Variants in TMEM132C observed in about 807,000 individuals in gnomAD.
The protein encoded by TMEM132C is protein phosphatase 1, regulatory subunit 152.
TMEM132C carries 29 observed loss-of-function variants against 61.4 expected under a neutral mutation model. The observed-to-expected ratio is 0.47, with a 90% CI of 0.35 to 0.64. The LOEUF (loss-of-function observed/expected upper bound fraction) is 0.64, where lower values mean the gene tolerates loss of function less well. TMEM132C is among the 30% of genes least tolerant of loss of function. The probability of loss-of-function intolerance (pLI) is 0.00; values close to 1 mark genes in which losing one functional copy is unlikely to be tolerated. For missense variants in TMEM132C, 1,408 were observed against 1,476.9 expected, an observed-to-expected ratio of 0.95 and a Z score of 0.76; for synonymous variants, 656 against 633.1, an observed-to-expected ratio of 1.04 and a Z score of -0.54.
At chr12:128,300,381 T>C (rs968554643) in intron 1 of TMEM132C, among the ~76,000 whole-genome samples, 2 of 152,100 alleles carry the variant, frequency 1.3e-5, no homozygotes, top group Non-Finnish European at 2.9e-5. Context: ...AAAGCAGAGT[T>C]CATGGTTTTT....
At chr12:128,642,413 T>A (rs1224243868) in intron 4 of TMEM132C, among the ~76,000 whole-genome samples, 1 of 152,196 alleles carries the variant, frequency 6.6e-6, no homozygotes, top group African/African-American at 2.4e-5. Context: ...GGTTTAGATG[T>A]TTGTCCCCTC....
intron 4 of TMEM132C, among the ~76,000 whole-genome samples, chr12:128,662,028 G>A (rs573595595): frequency 6.6e-6 from 1 of 152,152 alleles, no homozygotes; most frequent in South Asian, 2.1e-4. Flanking sequence ...TTGAGGATCA[G>A]GACTGGAAAA....
intron 1 of TMEM132C, among the ~76,000 whole-genome samples, chr12:128,345,701 A>G (rs1181967856): frequency 6.6e-6 from 1 of 152,076 alleles, no homozygotes; most frequent in East Asian, 1.9e-4. Context: ...TGTTGGCCGC[A>G]TATATGTCTT....
Position 128,530,086 on chromosome 12 carries a change from G to A in TMEM132C, c.975-13871G>A, listed in dbSNP as rs138478710. Among the ~76,000 whole-genome samples the A allele has an allele frequency of 6.1e-3, 885 of 145,926 alleles. 4 individuals are homozygous for A. The highest frequency in any genetic ancestry group is 8.5e-3 in the Non-Finnish European group (561 of 66,126). ...GTCAGCCTCCTAGGACATGGAGTAG[G>A]AGTGAAAAAGGCAGAAAGTGGGCGG... On this transcript the variant is annotated intron_variant, in intron 2 of 8. Coordinates refer to ENST00000435159, the MANE Select transcript of TMEM132C (RefSeq NM_001136103.3).
chr12:128,400,933 CA>C (rs775019006), intron 1 of TMEM132C, among the ~76,000 whole-genome samples: 1 of 152,096 alleles, frequency 6.6e-6, no homozygotes, highest in African/African-American at 2.4e-5. Context: ...TTCTTGACAA[CA>C]GAAAAAATCT....
intron 4 of TMEM132C, among the ~76,000 whole-genome samples, chr12:128,663,980 G>A (rs546496237): frequency 1.3e-4 from 16 of 124,926 alleles, no homozygotes; most frequent in African/African-American, 4.5e-4. Flanking sequence ...GCACCCACAC[G>A]CACGCACGCG....
At chr12:128,586,613 T>G (rs1875558296) in intron 3 of TMEM132C, among the ~76,000 whole-genome samples, 2 of 152,224 alleles carry the variant, frequency 1.3e-5, no homozygotes, top group Non-Finnish European at 2.9e-5. Flanking sequence ...ACTTTTCCTC[T>G]GTATCTTCCT....
At chr12:128,524,097 G>A (rs1873005772) in intron 2 of TMEM132C, among the ~76,000 whole-genome samples, 1 of 151,684 alleles carries the variant, frequency 6.6e-6, no homozygotes, top group Admixed American at 6.6e-5. Flanking sequence ...TGATTCTTTT[G>A]AGTCATTCCC....
At chr12:128,287,644 T>C (rs779273963) in intron 1 of TMEM132C, among the ~76,000 whole-genome samples, 3 of 152,244 alleles carry the variant, frequency 2.0e-5, no homozygotes, top group South Asian at 2.1e-4. Context: ...ATAATCACAT[T>C]GGTCAAAGTA....
chr12:128,694,996 C>T (rs992529731), intron 6 of TMEM132C, among the ~76,000 whole-genome samples: 5 of 152,190 alleles, frequency 3.3e-5, no homozygotes, highest in African/African-American at 1.2e-4. Flanking sequence ...TATGAGTTTG[C>T]CTCATAGTGT....
chr12:128,571,765 G>A (rs956261094), intron 3 of TMEM132C, among the ~76,000 whole-genome samples: 12 of 152,220 alleles, frequency 7.9e-5, no homozygotes, highest in Non-Finnish European at 1.8e-4. Context: ...ACGGTTGGAT[G>A]CAGGAACTCA....
At chr12:128,304,842 G>T (rs868199399) in intron 1 of TMEM132C, among the ~76,000 whole-genome samples, 2 of 152,200 alleles carry the variant, frequency 1.3e-5, no homozygotes, top group Middle Eastern at 3.2e-3. Context: ...CTTCAGTTAG[G>T]AAAGGCTTTT....
chr12:128,295,126 G>T (rs193060648), intron 1 of TMEM132C, among the ~76,000 whole-genome samples: 1 of 152,094 alleles, frequency 6.6e-6, no homozygotes, highest in Admixed American at 6.5e-5. Context: ...CAGTACTCAA[G>T]TGCCCCAAGG....
intron 3 of TMEM132C, among the ~76,000 whole-genome samples, chr12:128,583,476 G>A (rs373553397): frequency 7.8e-4 from 118 of 152,094 alleles, no homozygotes; most frequent in Non-Finnish European, 1.3e-3. Context: ...AGAGTTCTCC[G>A]CCTACAGCAA....
At chr12:128,338,781 G>A (rs900412989) in intron 1 of TMEM132C, among the ~76,000 whole-genome samples, 1 of 129,792 alleles carries the variant, frequency 7.7e-6, no homozygotes, top group Non-Finnish European at 1.5e-5. Flanking sequence ...TATATATTTT[G>A]CACAAAGATG....
At chr12:128,600,047 A>G (rs951067958) in intron 3 of TMEM132C, among the ~76,000 whole-genome samples, 10 of 152,016 alleles carry the variant, frequency 6.6e-5, no homozygotes, top group Non-Finnish European at 1.2e-4. Flanking sequence ...CAGTGGCGCG[A>G]TCTCGGCTCA....
At chr12:128,671,715 C>T (rs1475586708) in intron 5 of TMEM132C, among the ~76,000 whole-genome samples, 4 of 152,228 alleles carry the variant, frequency 2.6e-5, no homozygotes, top group African/African-American at 9.6e-5. Context: ...GCGACGTCCA[C>T]ACTCAACCAT....
At chr12:128,441,369 T>C (rs74421654) in intron 2 of TMEM132C, among the ~76,000 whole-genome samples, 1,767 of 152,342 alleles carry the variant, frequency 0.012, 45 homozygotes, top group African/African-American at 0.04. Context: ...CCTACTGGCA[T>C]TTCTTCATTT....
chr12:128,565,374 G>T (rs1874660200), intron 3 of TMEM132C, among the ~76,000 whole-genome samples: 1 of 152,232 alleles, frequency 6.6e-6, no homozygotes, highest in Non-Finnish European at 1.5e-5. Flanking sequence ...TTAAGCCACA[G>T]AAACTTTGAG....
Sources: allele counts gnomAD v4.1 joint callset (sites outside exome capture counted in the v4.1 genomes callset), GRCh38; gene constraint gnomAD v4.1.1; transcripts MANE v1.5; gene names NCBI Gene and HGNC (gene_info 2026-07-23, HGNC 2026-07-21).